The following INTS2 variants were observed in gnomAD, a reference collection of about 807,000 sequenced individuals.
The protein encoded by INTS2 is KIAA1287.
In INTS2, 57 loss-of-function variants were observed where a neutral mutation model predicts 139.6. The ratio of observed to expected loss-of-function variants is 0.41; its 90% confidence interval spans 0.33 to 0.51. The LOEUF (loss-of-function observed/expected upper bound fraction) is 0.51. Ranked by LOEUF, INTS2 falls within the 20% of genes least tolerant of loss-of-function variation. The pLI, the probability that INTS2 is intolerant of heterozygous loss-of-function variation, is 0.28. For synonymous variants in INTS2, 473 were observed against 493.4 expected (o/e 0.96, Z 0.55); for missense variants, 1,196 against 1,436.7 (o/e 0.83, Z 2.71).
rs758540660 is a variant in INTS2, at chr17:61,921,827, C to A, written c.433G>T (p.Val145Leu). Residue 145 changes from valine to leucine, a missense_variant and splice_region_variant, in exon 4 of 25, where the codon GTG becomes TTG. By Grantham distance (32) the Val-to-Leu change is conservative. Coordinates refer to ENST00000251334, the MANE Select transcript of INTS2 (RefSeq NM_001351695.2). ...AAAAATTCTCCGTTGGACTCAGACACCTTAAAAAAGAAAAAAAAAAGATAT... is the reference window on the plus strand; with the variant it reads ...AAAAATTCTCCGTTGGACTCAGACAACTTAAAAAAGAAAAAAAAAAGATAT... ...LSELLAIMNKVSESNGEFFFK... is the reference protein window; with the variant it reads ...LSELLAIMNKLSESNGEFFFK... 2.7e-6 allele frequency: 4 copies of A among 1,508,236 alleles called. No homozygotes were observed. The highest frequency in any genetic ancestry group is 2.8e-5 in the African/African-American group (2 of 70,866). The allele number at this position is 1,508,236 out of a possible 1,614,324, so 93.4% of individuals were successfully genotyped here.
rs771721543 is a variant in INTS2 at position 61,891,691 on chromosome 17, TAAGA to T, written c.1699-6_1699-3del. 19 of 1,602,344 alleles carry T rather than the reference TAAGA, an allele frequency of 1.2e-5. No individual in the cohort carries two copies. Among genetic ancestry groups the T allele is most frequent in the African/African-American group, 4.0e-5 (3 of 74,390 alleles). On this transcript the variant is annotated splice_region_variant and splice_polypyrimidine_tract_variant and intron_variant, in intron 13 of 24. Transcript: ENST00000251334. ...ACACAGCTGTCTATAAATCCAATCC[TAAGA>T]AAGAATGTTATAGACACTGAATTAA...
At chr17:61,913,132 G>T (rs2079545024) in intron 5 of INTS2, among the ~76,000 whole-genome samples, 1 of 151,896 alleles carries the variant, frequency 6.6e-6, no homozygotes, top group Middle Eastern at 3.2e-3. Flanking sequence ...GAGGCCAGGA[G>T]TTCAAGATCA....
intron 5 of INTS2, among the ~76,000 whole-genome samples, chr17:61,917,397 C>G (rs975388063): frequency 2.0e-5 from 3 of 152,128 alleles, no homozygotes; most frequent in African/African-American, 4.8e-5. Flanking sequence ...TGCCCATCAA[C>G]AGTGGATTAA....
intron 9 of INTS2, among the ~76,000 whole-genome samples, chr17:61,901,573 A>ATTT (rs1477309662): frequency 5.0e-5 from 4 of 80,166 alleles, no homozygotes; most frequent in Non-Finnish European, 7.3e-5. Flanking sequence ...AGGCAGAATG[A>ATTT]TTTCTTTTTT....
chr17:61,867,552 T>C lies in INTS2; in HGVS notation c.*5A>G, dbSNP rs1337119427. On this transcript the variant is annotated 3_prime_UTR_variant, in exon 25 of 25. Coordinates refer to ENST00000251334, the MANE Select transcript of INTS2 (RefSeq NM_001351695.2). The surrounding 1 kb of genome is among the most constrained non-coding windows in gnomAD (Gnocchi z 5.6). ...AAACAACTTTTTGTTGTTTTAAATT[T>C]TGTTTTAAATTCCACTAACACTCAT... The C allele has an allele frequency of 3.2e-6, 5 of 1,578,494 alleles. No individual in the cohort carries two copies. The Admixed American group carries it at 9.0e-5, about 28-fold the overall frequency.
chr17:61,898,666 T>C (rs1246826447), intron 9 of INTS2, among the ~76,000 whole-genome samples: 1 of 152,080 alleles, frequency 6.6e-6, no homozygotes, highest in Non-Finnish European at 1.5e-5. Context: ...CAGGCTGGAG[T>C]GCAGCAGCGC....
At chr17:61,899,296 G>A (rs951812882) in intron 9 of INTS2, among the ~76,000 whole-genome samples, 14 of 151,936 alleles carry the variant, frequency 9.2e-5, no homozygotes, top group Admixed American at 9.2e-4. Context: ...TGTTGCCCAG[G>A]CTGGAGTGCA....
intron 5 of INTS2, 21 bp from the exon 6 acceptor site, chr17:61,912,091 T>A: frequency 6.2e-7 from 1 of 1,607,996 alleles, no homozygotes. Flanking sequence ...AGAAACCATC[T>A]TCTTCAGCCT....
In INTS2 at chr17:61,882,252, G is replaced by T. The variant is rs2079184600; in HGVS notation, c.2090-1081C>A. The stretch of plus-strand genomic sequence containing the variant: ...ACATTAACAACCCTAAAGTCACACA[G>T]TCACATATGTCAGCCAAGAGAAGCA... On this transcript the variant is annotated intron_variant, in intron 16 of 24. Transcript: ENST00000251334. This position sits in a 1 kb window ranked among gnomAD's most constrained non-coding sequence, Gnocchi z 4.7. Among the ~76,000 whole-genome samples, 1 of 152,098 alleles carries T rather than the reference G, an allele frequency of 6.6e-6. No individual in the cohort carries two copies. The highest frequency in any genetic ancestry group is 1.5e-5 in the Non-Finnish European group (1 of 68,030).
rs1197499079 is a variant in INTS2, at chr17:61,882,846, C to A, written c.2090-1675G>T. On this transcript the variant is annotated intron_variant, in intron 16 of 24. Transcript: ENST00000251334. This position sits in a 1 kb window ranked among gnomAD's most constrained non-coding sequence, Gnocchi z 4.7. ...AATATTGTTGCTACCATACTATTAT[C>A]ATCATAACAGTAAGACTACGCAGTA... Among the ~76,000 whole-genome samples, 1 of 151,924 alleles carries A rather than the reference C, an allele frequency of 6.6e-6. No homozygotes were observed. The highest frequency in any genetic ancestry group is 1.5e-5 in the Non-Finnish European group (1 of 68,042).
At chr17:61,878,325 G>A (rs1179709262) in intron 17 of INTS2, among the ~76,000 whole-genome samples, 1 of 152,112 alleles carries the variant, frequency 6.6e-6, no homozygotes, top group Non-Finnish European at 1.5e-5. Context: ...CACTTTGGGA[G>A]GCCAAGGCGG....
In INTS2 at chr17:61,878,036, G is replaced by C. The variant is rs1281689955; in HGVS notation, c.2307C>G (p.His769Gln). Residue 769 changes from histidine (H) to glutamine (Q), a missense_variant, in exon 18 of 25, where the codon CAC becomes CAG. Physicochemically the swap from His to Gln is conservative, Grantham distance 24. This residue lies in a region of INTS2 where 1,129 missense variants were observed against 1,341.9 expected (regional missense o/e 0.84). Transcript: ENST00000251334. ...NNTQVMQIIE[H>Q]LTLLSASELI... ...GTTCACTGGCAGAGAGTAGAGTCAAGTGTTCTATAATCTGCATCACTTGTG... is the reference window on the plus strand; with the variant it reads ...GTTCACTGGCAGAGAGTAGAGTCAACTGTTCTATAATCTGCATCACTTGTG... 1.9e-6 allele frequency: 3 copies of C among 1,612,866 alleles called. No homozygotes were observed. In the South Asian group the frequency reaches 3.3e-5, roughly 18 times the overall value.
At chr17:61,906,425 CTTTGAAAGAA>C (rs1184666779) in intron 8 of INTS2, among the ~76,000 whole-genome samples, 1 of 152,150 alleles carries the variant, frequency 6.6e-6, no homozygotes, top group Admixed American at 6.5e-5. Flanking sequence ...TACCGACAGA[CTTTGAAAGAA>C]GTGAGGCCAT....
At position 61,899,409 on chromosome 17, in the gene INTS2, C is replaced by T. The variant is rs572415308; in HGVS notation, c.1308-1670G>A. On this transcript the variant is annotated intron_variant, in intron 9 of 24. Coordinates refer to ENST00000251334, the MANE Select transcript of INTS2 (RefSeq NM_001351695.2). Reference sequence around the variant, plus strand: ...GGGATTACAGGTGCCCACCAACACACCCAGCTAATTTTTTATATTTTTAGT... The same window carrying T: ...GGGATTACAGGTGCCCACCAACACATCCAGCTAATTTTTTATATTTTTAGT... 4.0e-4 allele frequency among the ~76,000 whole-genome samples: 61 copies of T among 152,136 alleles called. No individual in the cohort carries two copies. In the South Asian group the frequency reaches 0.012, roughly 31 times the overall value.
chr17:61,918,707 T>C (rs1392553029), intron 5 of INTS2, among the ~76,000 whole-genome samples: 1 of 152,208 alleles, frequency 6.6e-6, no homozygotes, highest in Non-Finnish European at 1.5e-5. Context: ...CTTCAATCAC[T>C]GTAAGTTTTA....
At chr17:61,898,917 A>C (rs1048626352) in intron 9 of INTS2, among the ~76,000 whole-genome samples, 3 of 152,070 alleles carry the variant, frequency 2.0e-5, no homozygotes, top group African/African-American at 7.2e-5. Flanking sequence ...CCCGGTCTAA[A>C]TTTTAATTGA....
At chr17:61,924,482 A>G (rs528064091) in intron 3 of INTS2, among the ~76,000 whole-genome samples, 1 of 152,300 alleles carries the variant, frequency 6.6e-6, no homozygotes, top group Non-Finnish European at 1.5e-5. Flanking sequence ...GCAGACTTAT[A>G]ATATCCTTTC....
rs747044524 is a variant in INTS2, at chr17:61,909,828, T to TACGC, written c.954+1691_954+1692insGCGT. Among the ~76,000 whole-genome samples, 15 of 40,658 alleles carry TACGC rather than the reference T, an allele frequency of 3.7e-4. 1 individual carries two copies. The highest frequency in any genetic ancestry group is 3.5e-3 in the Admixed American group (13 of 3,734). The allele number at this position is 40,658 out of a possible 152,430, so 26.7% of individuals were successfully genotyped here. ...GTGTGTGTGTACATGTGTGTATGTGTGTGTGTGTGTGTGTGTGTGTGTGTG... is the reference window on the plus strand; with the variant it reads ...GTGTGTGTGTACATGTGTGTATGTGTACGCGTGTGTGTGTGTGTGTGTGTGTGTG... On this transcript the variant is annotated intron_variant, in intron 7 of 24. Transcript: ENST00000251334. The surrounding 1 kb of genome is among the most constrained non-coding windows in gnomAD (Gnocchi z 4.9).
At chr17:61,890,475 T>C (rs533681650) in intron 14 of INTS2, among the ~76,000 whole-genome samples, 84 of 151,994 alleles carry the variant, frequency 5.5e-4, no homozygotes, top group African/African-American at 2.0e-3. Context: ...CCAGGCGTGG[T>C]GGCAGGTGCC....
Sources: gnomAD v4.1 joint callset for allele counts (sites outside exome capture counted in the v4.1 genomes callset) on GRCh38, gnomAD v4.1.1 for gene constraint, gnomAD v4.1.1 regional missense constraint, Gnocchi (gnomAD v3.1) non-coding constraint, MANE v1.5 for transcripts, NCBI Gene and HGNC (gene_info 2026-07-23, HGNC 2026-07-21) for gene names.